MRC1: variants seen among roughly 807,000 people sequenced by gnomAD.
MRC1 encodes the protein mannose receptor C-type 1, also known as macrophage mannose receptor 1.
MRC1 carries 62 observed loss-of-function variants against 102.9 expected under a neutral mutation model. The ratio of observed to expected loss-of-function variants is 0.60; its 90% CI spans 0.49 to 0.74. MRC1 has a LOEUF of 0.74. MRC1 is among the 30% of genes least tolerant of loss of function. MRC1 has a pLI of 0.00. For missense variants in MRC1, 1,237 were observed against 862.8 expected (o/e 1.43, Z -5.43); for synonymous variants, 457 against 298.4 (o/e 1.53, Z -5.48).
chr10:17,900,641 G>T (rs1833816606), intron 24 of MRC1, 147 bp from the exon 25 acceptor site: 5 of 711,754 alleles, frequency 7.0e-6, no homozygotes, highest in South Asian at 1.7e-5. Flanking sequence ...TGACAGAAAT[G>T]ATTTATAGTG....
rs200175375 is a variant in MRC1 at position 17,849,602 on chromosome 10, C to G, written c.1087C>G (p.Pro363Ala). ...AGAAAGTGATGTGCCTACTCACTGT[C>G]CTAGTCAGTGGTGGCCGTATGCCGG... ...PSESDVPTHC[P>A]SQWWPYAGHC... Residue 363 changes from proline (P) to alanine (A), a missense_variant, in exon 7 of 30, where the codon CCT becomes GCT. Pro to Ala is a conservative substitution (Grantham distance 27). Coordinates refer to ENST00000569591, the MANE Select transcript of MRC1 (RefSeq NM_002438.4). The G allele has an allele frequency of 7.5e-3, 5,837 of 780,888 alleles. 103 individuals carry two copies. The highest frequency in any genetic ancestry group is 0.038 in the South Asian group (2,856 of 74,610). The allele number at this position is 780,888 out of a possible 1,614,324, so 48.4% of individuals were successfully genotyped here.
intron 9 of MRC1, among the ~76,000 whole-genome samples, chr10:17,860,998 T>G (rs1368623681): frequency 6.6e-6 from 1 of 152,202 alleles, no homozygotes; most frequent in African/African-American, 2.4e-5. Context: ...AGTTTCATGA[T>G]AGAAAAAGTA....
rs1479685187 is a variant in MRC1, at chr10:17,887,904, G to A, written c.3147+2469G>A. ...TGCAACTTCCACCTCCCGGGTTCACGTGATTCTCCTGCCCCAGCCTCATAA... is the reference window on the plus strand; with the variant it reads ...TGCAACTTCCACCTCCCGGGTTCACATGATTCTCCTGCCCCAGCCTCATAA... On this transcript the variant is annotated intron_variant, in intron 22 of 29. Coordinates refer to ENST00000569591, the MANE Select transcript of MRC1 (RefSeq NM_002438.4). Among the ~76,000 whole-genome samples the A allele has an allele frequency of 2.6e-5, 4 of 152,106 alleles. No individual in the cohort carries two copies. In the East Asian group the frequency reaches 5.8e-4, roughly 22 times the overall value.
intron 4 of MRC1, among the ~76,000 whole-genome samples, chr10:17,840,130 CCGTGTTGTTTCTGGTTTT>C (rs1281585866): frequency 0.069 from 10,379 of 150,340 alleles, 965 homozygotes; most frequent in African/African-American, 0.21. Flanking sequence ...GAGCTGAGGT[CCGTGTTGTTTCTGGTTTT>C]ATGACTTCCA....
intron 2 of MRC1, among the ~76,000 whole-genome samples, chr10:17,824,282 G>A (rs1838441135): frequency 1.3e-5 from 2 of 152,186 alleles, no homozygotes; most frequent in South Asian, 4.1e-4. Flanking sequence ...GTCAGATGAT[G>A]TTATAATCAC....
intron 11 of MRC1, among the ~76,000 whole-genome samples, chr10:17,864,270 C>T (rs886781680): frequency 0.017 from 2,587 of 151,988 alleles, 69 homozygotes; most frequent in African/African-American, 0.059. Flanking sequence ...CCCAAAGTGC[C>T]GGGGTTACAG....
At chr10:17,836,304 G>T (rs1435456855) in intron 4 of MRC1, among the ~76,000 whole-genome samples, 7 of 152,098 alleles carry the variant, frequency 4.6e-5, no homozygotes, top group East Asian at 1.9e-4. Context: ...TTAGAGATAG[G>T]GTTCTTCCTC....
intron 4 of MRC1, among the ~76,000 whole-genome samples, chr10:17,838,192 C>T (rs1838697923): frequency 6.6e-6 from 1 of 152,228 alleles, no homozygotes; most frequent in South Asian, 2.1e-4. Flanking sequence ...CCCGGGGATC[C>T]GCTGGTTCCC....
intron 4 of MRC1, among the ~76,000 whole-genome samples, chr10:17,838,021 A>G (rs1838695615): frequency 6.6e-6 from 1 of 152,206 alleles, no homozygotes; most frequent in East Asian, 1.9e-4. Flanking sequence ...GCCCACAGCA[A>G]CCTCATGAAT....
intron 1 of MRC1, 147 bp downstream of exon 1, chr10:17,809,673 T>C (rs1838193131): frequency 1.3e-6 from 1 of 743,332 alleles, no homozygotes; most frequent in South Asian, 1.5e-5. Context: ...CGGCTAAGCC[T>C]GCTGCCTTCA....
chr10:17,907,044 G>T, intron 27 of MRC1, 45 bp downstream of exon 27: 1 of 776,188 alleles, frequency 1.3e-6, no homozygotes, highest in Non-Finnish European at 2.4e-6. Flanking sequence ...ATTGTAAAAT[G>T]TTGTATGTAA....
intron 23 of MRC1, among the ~76,000 whole-genome samples, chr10:17,896,579 A>G (rs1432520687): frequency 2.6e-5 from 4 of 152,230 alleles, no homozygotes; most frequent in Non-Finnish European, 5.9e-5. Flanking sequence ...ATTTTTAATG[A>G]CTTAAGGAAA....
chr10:17,841,740 ATT>A (rs35422170), intron 5 of MRC1, among the ~76,000 whole-genome samples: 2,432 of 126,662 alleles, frequency 0.019, 38 homozygotes, highest in South Asian at 0.093. Context: ...CCCCAGTGCC[ATT>A]TTTTTTTTTT....
chr10:17,860,691 G>A (rs1833171492), intron 9 of MRC1, among the ~76,000 whole-genome samples: 1 of 152,182 alleles, frequency 6.6e-6, no homozygotes, highest in African/African-American at 2.4e-5. Context: ...CCACCTTCTA[G>A]TATTGTCTTC....
chr10:17,889,783 A>G lies in MRC1; in HGVS notation c.3147+4348A>G, dbSNP rs933522612. Reference sequence around the variant, plus strand: ...AAATACATTGCTGTCCACTTTTTACATTAGAGTCCTTAGTATATTATTCAT... The same window carrying G: ...AAATACATTGCTGTCCACTTTTTACGTTAGAGTCCTTAGTATATTATTCAT... On this transcript the variant is annotated intron_variant, in intron 22 of 29. Coordinates refer to ENST00000569591, the MANE Select transcript of MRC1 (RefSeq NM_002438.4). Among the ~76,000 whole-genome samples the G allele has an allele frequency of 3.9e-5, 6 of 152,320 alleles. No homozygotes were observed. In the East Asian group the frequency reaches 1.2e-3, roughly 29 times the overall value.
At chr10:17,819,155 G>T (rs1838356141) in intron 1 of MRC1, among the ~76,000 whole-genome samples, 1 of 152,138 alleles carries the variant, frequency 6.6e-6, no homozygotes, top group Non-Finnish European at 1.5e-5. Flanking sequence ...ACCAGAATGT[G>T]GTGTACATCG....
At chr10:17,882,440 G>A (rs1340466949) in intron 21 of MRC1, among the ~76,000 whole-genome samples, 2 of 151,846 alleles carry the variant, frequency 1.3e-5, no homozygotes, top group Non-Finnish European at 2.9e-5. Context: ...ACAGTTGTTT[G>A]TTGTATATAT....
rs1000337465 is a variant in MRC1 at position 17,874,983 on chromosome 10, G to T, written c.2387-107G>T. The T allele has an allele frequency of 5.3e-6, 4 of 758,242 alleles. No individual in the cohort carries two copies. In the African/African-American group the frequency reaches 6.9e-5, roughly 13 times the overall value. The allele number at this position is 758,242 out of a possible 1,614,324, so 47.0% of individuals were successfully genotyped here. Reference sequence around the variant, plus strand: ...GTTCTGGTCTCTCAGAGTTGCAGATGCCTCTTGATATAGCAGCTCTATCCC... The same window carrying T: ...GTTCTGGTCTCTCAGAGTTGCAGATTCCTCTTGATATAGCAGCTCTATCCC... On this transcript the variant is annotated intron_variant, in intron 16 of 29. Transcript: ENST00000569591.
At position 17,831,930 on chromosome 10, in the gene MRC1, G is replaced by T. The variant is rs878931456; in HGVS notation, c.638-1745G>T. On this transcript the variant is annotated intron_variant, in intron 3 of 29. Coordinates refer to ENST00000569591, the MANE Select transcript of MRC1 (RefSeq NM_002438.4). ...TAGGAATCATAAAATAGCAAAGGAA[G>T]AAATCAGCTTGTGATTTTTTACTCT... Among the ~76,000 whole-genome samples the T allele has an allele frequency of 1.0e-3, 156 of 151,766 alleles. 10 individuals carry two copies. Among genetic ancestry groups the T allele is most frequent in the Middle Eastern group, 0.01 (3 of 294 alleles).
Sources: allele counts gnomAD v4.1 joint callset (sites outside exome capture counted in the v4.1 genomes callset), GRCh38; gene constraint gnomAD v4.1.1; transcripts MANE v1.5; gene names NCBI Gene and HGNC (gene_info 2026-07-23, HGNC 2026-07-21).